TMEM26: variants seen among roughly 807,000 people sequenced by gnomAD.
TMEM26 encodes the protein transmembrane protein 26.
TMEM26 carries 38 observed loss-of-function variants against 28.8 expected under a neutral mutation model. The observed-to-expected ratio is 1.32, with a 90% CI of 1.02 to 1.73. TMEM26 has a LOEUF of 1.73. Ranked by LOEUF, TMEM26 falls within the 40% of genes most tolerant of loss-of-function variation. The probability of loss-of-function intolerance (pLI) is 0.00; values close to 1 mark genes in which losing one functional copy is unlikely to be tolerated. For synonymous variants in TMEM26, 227 were observed against 182.9 expected (o/e 1.24, Z -1.95); for missense variants, 518 against 447.1 (o/e 1.16, Z -1.43).
intron 5 of TMEM26, among the ~76,000 whole-genome samples, chr10:61,412,708 TG>T (rs1564471510): frequency 1.3e-5 from 2 of 152,164 alleles, no homozygotes; most frequent in African/African-American, 4.8e-5. Flanking sequence ...GGTAGCCATT[TG>T]TGGCAACTGA....
At chr10:61,441,895 T>A (rs542358472) in intron 1 of TMEM26, among the ~76,000 whole-genome samples, 1 of 152,284 alleles carries the variant, frequency 6.6e-6, no homozygotes, top group South Asian at 2.1e-4. Context: ...AATCTTTCTT[T>A]TCCATGAAGT....
intron 4 of TMEM26, among the ~76,000 whole-genome samples, chr10:61,419,622 T>C (rs929819623): frequency 1.3e-5 from 2 of 151,750 alleles, no homozygotes; most frequent in Non-Finnish European, 2.9e-5. Context: ...GATAGATCAA[T>C]AAAAATCGAA....
chr10:61,451,312 G>A (rs1314203144), intron 1 of TMEM26, among the ~76,000 whole-genome samples: 1 of 152,138 alleles, frequency 6.6e-6, no homozygotes, highest in Non-Finnish European at 1.5e-5. Flanking sequence ...TGCGAGTTAA[G>A]GCCTCTGGTC....
At chr10:61,436,294 T>C (rs1283757636) in intron 1 of TMEM26, 46 bp from the exon 2 acceptor site, 2 of 1,314,566 alleles carry the variant, frequency 1.5e-6, no homozygotes, top group East Asian at 2.4e-5. Flanking sequence ...TTTAAGCTAA[T>C]TTTCCAAAAA....
At chr10:61,412,953 A>C in intron 5 of TMEM26, 2 of 1,302,116 alleles carry the variant, frequency 1.5e-6, no homozygotes, top group Non-Finnish European at 2.0e-6. Flanking sequence ...TCCAATGAGG[A>C]CAATTTTAAC....
chr10:61,426,828 A>C (rs1211657667), intron 4 of TMEM26, among the ~76,000 whole-genome samples: 1 of 152,096 alleles, frequency 6.6e-6, no homozygotes, highest in African/African-American at 2.4e-5. Context: ...GAAAGGATTA[A>C]GGGTCTCCTT....
intron 4 of TMEM26, among the ~76,000 whole-genome samples, chr10:61,421,574 G>A (rs1025221961): frequency 1.3e-5 from 2 of 152,112 alleles, no homozygotes; most frequent in Non-Finnish European, 2.9e-5. Flanking sequence ...AAAATTTGGA[G>A]ACACAGACAG....
At chr10:61,434,139 C>G (rs978029339) in intron 2 of TMEM26, among the ~76,000 whole-genome samples, 1 of 152,060 alleles carries the variant, frequency 6.6e-6, no homozygotes, top group Non-Finnish European at 1.5e-5. Context: ...ACTGCAATTC[C>G]AATACTTTTT....
At chr10:61,431,642 A>G (rs1204381417) in intron 2 of TMEM26, among the ~76,000 whole-genome samples, 1 of 152,138 alleles carries the variant, frequency 6.6e-6, no homozygotes, top group African/African-American at 2.4e-5. Context: ...TAAACCCTGC[A>G]AGAATTTAAA....
Position 61,429,115 on chromosome 10 carries a change from A to G in TMEM26, c.416T>C (p.Val139Ala), listed in dbSNP as rs768077017. ...TCCCAATGTCCAAACTTTCTCACAT[A>G]CTGTAGATAAGTTATTCACAAAAAC... ...AKVFVNNLST[V>A]CEKVWTLGLH... Residue 139 changes from valine to alanine, a missense_variant, in exon 4 of 6, where the codon GTA becomes GCA. Val to Ala is a moderately conservative substitution (Grantham distance 64, BLOSUM62 0). Transcript: ENST00000399298. 1.2e-6 allele frequency: 2 copies of G among 1,613,086 alleles called. No individual in the cohort carries two copies. The highest frequency in any genetic ancestry group is 4.5e-5 in the East Asian group (2 of 44,844).
intron 1 of TMEM26, among the ~76,000 whole-genome samples, chr10:61,437,265 C>T (rs1430361387): frequency 6.6e-6 from 1 of 152,120 alleles, no homozygotes; most frequent in East Asian, 1.9e-4. Flanking sequence ...CAAATATTGT[C>T]ACATTTGGGG....
rs370029951 is a variant in TMEM26 at position 61,413,863 on chromosome 10, G to A, written c.606-328C>T. On this transcript the variant is annotated intron_variant, in intron 4 of 5. Transcript: ENST00000399298. The stretch of plus-strand genomic sequence containing the variant: ...GGGAGAAAATATAGATATTAACATG[G>A]ATATTCAAATGGCTGATTTCAAGGA... 483 of 1,002,286 alleles carry A rather than the reference G, an allele frequency of 4.8e-4. 7 individuals carry two copies. In the South Asian group the frequency reaches 0.019, roughly 39 times the overall value. 62.1% of individuals were successfully genotyped at this position (1,002,286 alleles called of 1,614,324 possible). A position where few individuals can be genotyped will look rare whatever the true frequency, so the allele number is the denominator to read the frequency against.
Position 61,410,172 on chromosome 10 carries a change from AAG to A in TMEM26, c.*148_*149del. ...AAAGTTCCTTCTATTCAGTTGAAAA[AAG>A]AAAATTCCTCAGCTTTGGTTTAAGA... On this transcript the variant is annotated 3_prime_UTR_variant, in exon 6 of 6. Coordinates refer to ENST00000399298, the MANE Select transcript of TMEM26 (RefSeq NM_178505.8). 7 of 858,960 alleles carry A rather than the reference AAG, an allele frequency of 8.1e-6. No homozygotes were observed. Among genetic ancestry groups the A allele is most frequent in the Non-Finnish European group, 1.0e-5 (6 of 574,862 alleles). The allele number at this position is 858,960 out of a possible 1,614,324, so 53.2% of individuals were successfully genotyped here.
intron 3 of TMEM26, among the ~76,000 whole-genome samples, chr10:61,430,523 T>C (rs752345502): frequency 6.6e-6 from 1 of 151,010 alleles, no homozygotes; most frequent in African/African-American, 2.4e-5. Context: ...AAACTGCCTC[T>C]GTTCACAGTT....
chr10:61,432,420 G>A (rs1039466198), intron 2 of TMEM26, among the ~76,000 whole-genome samples: 1 of 151,904 alleles, frequency 6.6e-6, no homozygotes, highest in Non-Finnish European at 1.5e-5. Context: ...CCAGATGCTG[G>A]GAATCCGAGG....
At chr10:61,445,364 C>A (rs1050950937) in intron 1 of TMEM26, among the ~76,000 whole-genome samples, 2 of 152,180 alleles carry the variant, frequency 1.3e-5, no homozygotes, top group Non-Finnish European at 2.9e-5. Flanking sequence ...AACCCCACCC[C>A]CTCTTCCAGG....
chr10:61,420,658 C>T (rs936667882), intron 4 of TMEM26, among the ~76,000 whole-genome samples: 2 of 150,126 alleles, frequency 1.3e-5, no homozygotes, highest in African/African-American at 4.9e-5. Flanking sequence ...ACCTGTCAAC[C>T]AATAATTCTT....
chr10:61,426,978 T>C (rs1015802488), intron 4 of TMEM26, among the ~76,000 whole-genome samples: 11 of 152,046 alleles, frequency 7.2e-5, no homozygotes, highest in Admixed American at 6.6e-5. Context: ...GGGAGGGTTT[T>C]TGGGACAGTG....
chr10:61,425,499 T>A (rs1162626115), intron 4 of TMEM26, among the ~76,000 whole-genome samples: 2 of 152,102 alleles, frequency 1.3e-5, no homozygotes, highest in African/African-American at 4.8e-5. Context: ...CATTAAAAAA[T>A]TAAAAACAAG....
Sources: gnomAD v4.1 joint callset for allele counts (sites outside exome capture counted in the v4.1 genomes callset) on GRCh38, gnomAD v4.1.1 for gene constraint, MANE v1.5 for transcripts, NCBI Gene and HGNC (gene_info 2026-07-23, HGNC 2026-07-21) for gene names.